The following FRS3 variants were observed in gnomAD, a reference collection of about 807,000 sequenced individuals.
FRS3 encodes fibroblast growth factor receptor substrate 3, also known as FGFR substrate 3.
Under a neutral mutation model 41.9 loss-of-function variants are expected in FRS3, and 17 were observed. The observed-to-expected ratio is 0.41, with a 90% CI of 0.28 to 0.61. The LOEUF (loss-of-function observed/expected upper bound fraction) is 0.61, where lower values mean the gene tolerates loss of function less well. FRS3 is among the 20% of genes least tolerant of loss of function. The probability of loss-of-function intolerance (pLI) is 0.36; values close to 1 mark genes in which losing one functional copy is unlikely to be tolerated. For missense variants in FRS3, 619 were observed against 672.1 expected (o/e 0.92, Z 0.87); for synonymous variants, 287 against 274.5 (o/e 1.05, Z -0.45).
At position 41,773,270 on chromosome 6, in the gene FRS3, T is replaced by G. The variant is rs368558980; in HGVS notation, c.254-311A>C. 2.2e-4 allele frequency among the ~76,000 whole-genome samples: 33 copies of G among 152,080 alleles called. 1 individual carries two copies. In the East Asian group the frequency reaches 5.7e-3, roughly 26 times the overall value. The stretch of plus-strand genomic sequence containing the variant: ...GGCGCCCGCCATTACACCTGGCTAA[T>G]TTTTTGTATTTTTAGTTGAGACGGG... On this transcript the variant is annotated intron_variant, in intron 4 of 6. Coordinates refer to ENST00000373018, the MANE Select transcript of FRS3 (RefSeq NM_006653.5).
In FRS3 at chr6:41,770,869, T is replaced by C. The variant is rs1772269250; in HGVS notation, c.1229A>G (p.Glu410Gly). The C allele has an allele frequency of 6.2e-7, 1 of 1,609,462 alleles. No individual in the cohort carries two copies. The highest frequency in any genetic ancestry group is 8.5e-7 in the Non-Finnish European group (1 of 1,179,902). The part of the protein sequence containing the change: ...FNFDFRRPGP[E>G]PPRQLNYIQV... Reference sequence around the variant, plus strand: ...GATGTAGTTAAGCTGCCTTGGGGGCTCGGGCCCCGGCCGGCGGAAATCAAA... The same window carrying C: ...GATGTAGTTAAGCTGCCTTGGGGGCCCGGGCCCCGGCCGGCGGAAATCAAA... The change falls in exon 7 of 7, where the codon GAG becomes GGG. Residue 410 changes from glutamate (E) to glycine (G), a missense_variant. Glu to Gly is a moderately conservative substitution (Grantham distance 98, BLOSUM62 -2). Coordinates refer to ENST00000373018, the MANE Select transcript of FRS3 (RefSeq NM_006653.5).
intron 1 of FRS3, 89 bp from the exon 2 acceptor site, chr6:41,778,265 C>T (rs1228592443): frequency 6.6e-6 from 1 of 152,354 alleles, no homozygotes; most frequent in Non-Finnish European, 1.5e-5. Flanking sequence ...GTCCATCCCA[C>T]CTGGGTATCT....
chr6:41,774,353 C>G (rs1193527838), intron 4 of FRS3, among the ~76,000 whole-genome samples: 1 of 152,150 alleles, frequency 6.6e-6, no homozygotes, highest in Admixed American at 6.5e-5. Flanking sequence ...GCCCTCAGAT[C>G]GCTGATGACA....
chr6:41,774,555 C>T (rs1433200530), intron 4 of FRS3, among the ~76,000 whole-genome samples: 1 of 152,194 alleles, frequency 6.6e-6, no homozygotes, highest in Non-Finnish European at 1.5e-5. Flanking sequence ...GCCAGCCTCA[C>T]AGCCCTTCAA....
intron 6 of FRS3, 54 bp downstream of exon 6, chr6:41,771,762 T>C: frequency 6.5e-7 from 1 of 1,528,638 alleles, no homozygotes; most frequent in Non-Finnish European, 8.8e-7. Flanking sequence ...TTATTTCCTA[T>C]CCCTCGTCCC....
At chr6:41,773,702 C>T (rs956068709) in intron 4 of FRS3, among the ~76,000 whole-genome samples, 1 of 151,192 alleles carries the variant, frequency 6.6e-6, no homozygotes, top group Non-Finnish European at 1.5e-5. Flanking sequence ...GAAACCCTGT[C>T]TCTACTAAAA....
intron 5 of FRS3, among the ~76,000 whole-genome samples, chr6:41,772,389 A>G (rs1162743867): frequency 2.6e-5 from 4 of 152,326 alleles, no homozygotes; most frequent in Non-Finnish European, 4.4e-5. Context: ...TCTGAATTCA[A>G]TGACTGAATA....
intron 4 of FRS3, among the ~76,000 whole-genome samples, chr6:41,774,369 GTCTA>G (rs1221877013): frequency 3.3e-5 from 5 of 152,118 alleles, no homozygotes; most frequent in Non-Finnish European, 5.9e-5. Context: ...TGACAAGAGG[GTCTA>G]CTCTGTTCCC....
chr6:41,771,827 G>A lies in FRS3; in HGVS notation c.553C>T (p.Pro185Ser). 1 of 1,552,144 alleles carries A rather than the reference G, an allele frequency of 6.4e-7. No homozygotes were observed. Among genetic ancestry groups the A allele is most frequent in the Non-Finnish European group, 8.7e-7 (1 of 1,147,688 alleles). Residue 185 changes from proline (P) to serine (S), a missense_variant, in exon 6 of 7, where the codon CCT becomes TCT. Physicochemically the swap from Pro to Ser is moderately conservative, Grantham distance 74 (BLOSUM62 -1). Around this residue, in one of 3 missense-constraint regions of FRS3, gnomAD observed 487 missense variants for 478.3 expected, o/e 1.02. Coordinates refer to ENST00000373018, the MANE Select transcript of FRS3 (RefSeq NM_006653.5). ...GEESTHALIA[P>S]DEQSHTYVNT... ...GGCTGCGTGCTCACCTGCTCATCAG[G>A]AGCAATGAGGGCATGGGTGGACTCT... is the stretch of plus-strand genomic sequence containing the variant.
Position 41,770,511 on chromosome 6 carries a change from C to T in FRS3, c.*108G>A. On this transcript the variant is annotated 3_prime_UTR_variant, in exon 7 of 7. Transcript: ENST00000373018. ...GAAGCATCTGGTCCCACCTCCATGCCTTCTGCAAAGCAACCCTGAACCCTG... is the reference window on the plus strand; with the variant it reads ...GAAGCATCTGGTCCCACCTCCATGCTTTCTGCAAAGCAACCCTGAACCCTG... The T allele has an allele frequency of 9.0e-7, 1 of 1,109,140 alleles. No individual in the cohort carries two copies. The highest frequency in any genetic ancestry group is 1.3e-6 in the Non-Finnish European group (1 of 746,432). 68.7% of individuals were successfully genotyped at this position (1,109,140 alleles called of 1,614,324 possible). A position where few individuals can be genotyped will look rare whatever the true frequency, so the allele number is the denominator to read the frequency against.
chr6:41,775,991 C>T (rs1772402638), intron 3 of FRS3, among the ~76,000 whole-genome samples: 2 of 152,178 alleles, frequency 1.3e-5, no homozygotes, highest in Admixed American at 6.5e-5. Context: ...GACTGGGACA[C>T]CCTGACCTAG....
rs1003869228 is a variant in FRS3, at chr6:41,770,441, G to C, written c.*178C>G. The C allele has an allele frequency of 9.5e-6, 6 of 628,906 alleles. No individual in the cohort carries two copies. The highest frequency in any genetic ancestry group is 1.7e-5 in the Non-Finnish European group (6 of 357,780). 39.0% of individuals were successfully genotyped at this position (628,906 alleles called of 1,614,324 possible). ...CTCTCCCCAGCCTGGAGACAGACCA[G>C]GAGACTCGGTGGCTGATATCTCTGG... On this transcript the variant is annotated 3_prime_UTR_variant, in exon 7 of 7. Transcript: ENST00000373018.
At chr6:41,774,473 G>C (rs770425381) in intron 4 of FRS3, among the ~76,000 whole-genome samples, 1 of 152,192 alleles carries the variant, frequency 6.6e-6, no homozygotes, top group Non-Finnish European at 1.5e-5. Flanking sequence ...ACTCTGGCAC[G>C]GGAAGGAAGA....
Position 41,771,341 on chromosome 6 carries a change from T to G in FRS3, c.757A>C (p.Met253Leu), listed in dbSNP as rs1772287456. 1.9e-6 allele frequency: 3 copies of G among 1,613,556 alleles called. No individual in the cohort carries two copies. The highest frequency in any genetic ancestry group is 2.5e-6 in the Non-Finnish European group (3 of 1,179,770). The change falls in exon 7 of 7, where the codon ATG (methionine) becomes CTG (leucine). Residue 253 changes from methionine to leucine, a missense_variant. By Grantham distance (15) the Met-to-Leu change is conservative. Coordinates refer to ENST00000373018, the MANE Select transcript of FRS3 (RefSeq NM_006653.5). ...VLGPTPARRH[M>L]VKCQGLCPSL... ...GGACAGAGGCCCTGGCACTTCACCA[T>G]GTGCCGCCGAGCAGGGGTCGGGCCC...
In FRS3 at chr6:41,777,014, G is replaced by C. The variant is rs971214142; in HGVS notation, c.-23-4C>G. The stretch of plus-strand genomic sequence containing the variant: ...GTGTCAGAGCAGCCAGCCTGCCCTA[G>C]GAAAAACATACAGGATATGCAGGTC... On this transcript the variant is annotated splice_polypyrimidine_tract_variant and splice_region_variant and intron_variant, in intron 2 of 6. Coordinates refer to ENST00000373018, the MANE Select transcript of FRS3 (RefSeq NM_006653.5). 1.7e-5 allele frequency: 28 copies of C among 1,610,034 alleles called. No homozygotes were observed. The highest frequency in any genetic ancestry group is 1.6e-4 in the Middle Eastern group (1 of 6,080).
At chr6:41,775,214 T>A (rs1443505479) in intron 4 of FRS3, among the ~76,000 whole-genome samples, 1 of 152,216 alleles carries the variant, frequency 6.6e-6, no homozygotes, top group African/African-American at 2.4e-5. Context: ...ATGCCACTTC[T>A]TCAGAGAGCT....
chr6:41,777,008 G>A lies in FRS3; in HGVS notation c.-21C>T, dbSNP rs201808306. 3.1e-6 allele frequency: 5 copies of A among 1,612,614 alleles called. No homozygotes were observed. Among genetic ancestry groups the A allele is most frequent in the Admixed American group, 1.7e-5 (1 of 59,984 alleles). ...CCCATGGTGTCAGAGCAGCCAGCCT[G>A]CCCTAGGAAAAACATACAGGATATG... On this transcript the variant is annotated splice_region_variant and 5_prime_UTR_variant, in exon 3 of 7. Coordinates refer to ENST00000373018, the MANE Select transcript of FRS3 (RefSeq NM_006653.5).
chr6:41,771,673 G>T, intron 6 of FRS3, 140 bp from the exon 7 acceptor site: 1 of 1,150,246 alleles, frequency 8.7e-7, no homozygotes, highest in Non-Finnish European at 1.2e-6. Context: ...TTCTGAGGAA[G>T]CTGCTCCCTT....
intron 4 of FRS3, among the ~76,000 whole-genome samples, chr6:41,773,543 T>C (rs1317755019): frequency 6.6e-6 from 1 of 151,996 alleles, no homozygotes; most frequent in Non-Finnish European, 1.5e-5. Flanking sequence ...TTCATAAGGA[T>C]GTGTGTGTTC....
Sources: gnomAD v4.1 joint callset for allele counts (sites outside exome capture counted in the v4.1 genomes callset) on GRCh38, gnomAD v4.1.1 for gene constraint, gnomAD v4.1.1 regional missense constraint, MANE v1.5 for transcripts, NCBI Gene and HGNC (gene_info 2026-07-23, HGNC 2026-07-21) for gene names.